TMEM71: variants seen among roughly 807,000 people sequenced by gnomAD.
The protein encoded by TMEM71 is transmembrane protein 71.
In TMEM71, 44 loss-of-function variants were observed where a neutral mutation model predicts 38.0. That is an observed-to-expected ratio of 1.16 (90% CI 0.91 to 1.49). TMEM71 has a LOEUF of 1.49. Ranked by LOEUF, TMEM71 falls within the 40% of genes most tolerant of loss-of-function variation. The probability of loss-of-function intolerance (pLI) is 0.00; values close to 1 mark genes in which losing one functional copy is unlikely to be tolerated. For missense variants in TMEM71, 367 were observed against 348.6 expected, an observed-to-expected ratio of 1.05 and a Z score of -0.42; for synonymous variants, 133 against 122.5, an observed-to-expected ratio of 1.09 and a Z score of -0.56.
At chr8:132,763,030 G>A (rs1411381162), upstream of TMEM71, among the ~76,000 whole-genome samples, 1 of 152,096 alleles carries the variant, frequency 6.6e-6, no homozygotes, top group Non-Finnish European at 1.5e-5. Flanking sequence ...TCTTCTTCTT[G>A]TTTCTCATAC....
At chr8:132,733,979 A>G (rs1258587781) in intron 5 of TMEM71, among the ~76,000 whole-genome samples, 1 of 152,094 alleles carries the variant, frequency 6.6e-6, no homozygotes, top group African/African-American at 2.4e-5. Context: ...AGAGAGTACA[A>G]TAGTGGCTGC....
intron 5 of TMEM71, among the ~76,000 whole-genome samples, chr8:132,734,060 G>A (rs1408082004): frequency 1.3e-5 from 2 of 152,012 alleles, no homozygotes; most frequent in African/African-American, 4.8e-5. Context: ...CAGTTACGCT[G>A]GAAGGATGAG....
At chr8:132,772,396 A>C in the TMEM71 span, among the ~76,000 whole-genome samples, 5 of 152,288 alleles carry the variant, frequency 3.3e-5, no homozygotes, top group African/African-American at 1.2e-4. Context: ...GGCATCAACC[A>C]TCTGGAACAG....
At chr8:132,737,419 T>C (rs1397259647) in intron 5 of TMEM71, among the ~76,000 whole-genome samples, 1 of 152,226 alleles carries the variant, frequency 6.6e-6, no homozygotes, top group African/African-American at 2.4e-5. Flanking sequence ...GACCTCCTTA[T>C]CAAGCTGTGC....
intron 1 of TMEM71, among the ~76,000 whole-genome samples, chr8:132,760,090 C>G (rs1829246982): frequency 6.6e-6 from 1 of 152,030 alleles, no homozygotes; most frequent in East Asian, 1.9e-4. Flanking sequence ...GCCTATAAAT[C>G]CTGCAGCAAA....
chr8:132,719,797 G>T (rs1046537561), intron 7 of TMEM71, among the ~76,000 whole-genome samples: 6 of 152,156 alleles, frequency 3.9e-5, no homozygotes, highest in African/African-American at 1.4e-4. Context: ...TGGTATGTTT[G>T]TCACAATGAA....
intron 7 of TMEM71, among the ~76,000 whole-genome samples, chr8:132,719,064 A>G (rs1826694663): frequency 6.6e-6 from 1 of 152,254 alleles, no homozygotes; most frequent in Non-Finnish European, 1.5e-5. Flanking sequence ...TAAATACAGC[A>G]AAGCCTATAA....
At chr8:132,755,434 G>C (rs756937786) in intron 3 of TMEM71, among the ~76,000 whole-genome samples, 1 of 152,080 alleles carries the variant, frequency 6.6e-6, no homozygotes, top group Non-Finnish European at 1.5e-5. Context: ...TTTCCAATTG[G>C]TTTCTAAAGT....
Sources: gnomAD v4.1 joint callset for allele counts (sites outside exome capture counted in the v4.1 genomes callset) on GRCh38, gnomAD v4.1.1 for gene constraint, MANE v1.5 for transcripts, NCBI Gene and HGNC (gene_info 2026-07-23, HGNC 2026-07-21) for gene names.